Variants in ZSWIM2 observed in about 807,000 individuals in gnomAD.
ZSWIM2 encodes the protein E3 ubiquitin-protein ligase ZSWIM2.
In ZSWIM2, 38 loss-of-function variants were observed where a neutral mutation model predicts 48.4. The ratio of observed to expected loss-of-function variants is 0.79; its 90% CI spans 0.61 to 1.03. The LOEUF is 1.03. Among genes scored for constraint, ZSWIM2 ranks in the 50% least tolerant of loss-of-function variants. The pLI, the probability that ZSWIM2 is intolerant of heterozygous loss-of-function variation, is 0.00. For synonymous variants in ZSWIM2, 240 were observed against 251.3 expected (o/e 0.96, Z 0.42); for missense variants, 776 against 730.2 (o/e 1.06, Z -0.72).
At chr2:186,837,180 G>T in intron 5 of ZSWIM2, 126 bp downstream of exon 5, 1 of 968,570 alleles carries the variant, frequency 1.0e-6, no homozygotes, top group Non-Finnish European at 1.6e-6. Context: ...ATAAGCAGTC[G>T]TCACACAAGT....
In ZSWIM2 at chr2:186,839,109, C is replaced by T. The variant is rs749082265; in HGVS notation, c.344G>A (p.Arg115Gln). The T allele has an allele frequency of 1.2e-5, 19 of 1,611,536 alleles. No individual in the cohort carries two copies. Among genetic ancestry groups the T allele is most frequent in the Middle Eastern group, 1.6e-4 (1 of 6,076 alleles). ...EISDLLRGIH[R>Q]VQTPQPGTND... ...TGTTCCTGGTTGGGGAGTTTGAACT[C>T]GATGTATCCCCCGAAGCAAGTCACT... is the stretch of plus-strand genomic sequence containing the variant. The change falls in exon 4 of 9, where the codon CGA becomes CAA. Residue 115 changes from arginine to glutamine, a missense_variant. Coordinates refer to ENST00000295131, the MANE Select transcript of ZSWIM2 (RefSeq NM_182521.3).
At position 186,849,013 on chromosome 2, in the gene ZSWIM2, T is replaced by C; in HGVS notation, c.118A>G (p.Thr40Ala). Residue 40 changes from threonine to alanine, a missense_variant, in exon 1 of 9, where the codon ACT (threonine) becomes GCT (alanine). Coordinates refer to ENST00000295131, the MANE Select transcript of ZSWIM2 (RefSeq NM_182521.3). ...TCCTCCTCCCTCAGCAGGAAGCCAG[T>C]GGGGCCCATCTCTCGTAGGAGGTAG... ...SIYLLREMGP[T>A]GFLLREEEPE... The C allele has an allele frequency of 6.2e-7, 1 of 1,614,134 alleles. No homozygotes were observed. The highest frequency in any genetic ancestry group is 1.1e-5 in the South Asian group (1 of 91,074).
At chr2:186,832,036 G>A (rs564965250) in intron 7 of ZSWIM2, among the ~76,000 whole-genome samples, 7 of 151,882 alleles carry the variant, frequency 4.6e-5, no homozygotes, top group Non-Finnish European at 1.0e-4. Context: ...ATAAAAAAAA[G>A]TTGTCTCTTT....
chr2:186,834,161 G>A lies in ZSWIM2; in HGVS notation c.744-131C>T, dbSNP rs139051296. On this transcript the variant is annotated intron_variant, in intron 5 of 8. Coordinates refer to ENST00000295131, the MANE Select transcript of ZSWIM2 (RefSeq NM_182521.3). ...GACAAGGTTCACCTCAAGTCACACT[G>A]TGTATTAGTTTCCTGTTGCTGCTGT... is the stretch of plus-strand genomic sequence containing the variant. 271 of 630,878 alleles carry A rather than the reference G, an allele frequency of 4.3e-4. 1 individual carries two copies. In the African/African-American group the frequency reaches 4.6e-3, roughly 11 times the overall value. 39.1% of individuals were successfully genotyped at this position (630,878 alleles called of 1,614,324 possible).
At chr2:186,845,137 G>T (rs1691973426) in intron 2 of ZSWIM2, among the ~76,000 whole-genome samples, 1 of 150,998 alleles carries the variant, frequency 6.6e-6, no homozygotes, top group African/African-American at 2.4e-5. Context: ...CCAAATGGCT[G>T]TTTTCCTACA....
In ZSWIM2 at chr2:186,849,148, G is replaced by A; in HGVS notation, c.-18C>T. 1 of 1,600,046 alleles carries A rather than the reference G, an allele frequency of 6.2e-7. No homozygotes were observed. The highest frequency in any genetic ancestry group is 8.5e-7 in the Non-Finnish European group (1 of 1,171,294). ...CGAAGCATGCTGGGTGCGGGCGGAG[G>A]CGGCCCCTCTGCTCGGCTCACTGAG... On this transcript the variant is annotated 5_prime_UTR_variant, in exon 1 of 9. Transcript: ENST00000295131.
chr2:186,846,847 T>C (rs973183820), intron 2 of ZSWIM2, among the ~76,000 whole-genome samples: 1 of 140,270 alleles, frequency 7.1e-6, no homozygotes, highest in Non-Finnish European at 1.5e-5. Context: ...AACTCAGCCA[T>C]AAAAATTAAT....
intron 2 of ZSWIM2, among the ~76,000 whole-genome samples, chr2:186,846,152 A>G (rs1574143385): frequency 6.6e-6 from 1 of 151,992 alleles, no homozygotes; most frequent in South Asian, 2.1e-4. Flanking sequence ...TAAACTATAA[A>G]GCTTCTGCAC....
At chr2:186,833,906 A>G (rs769324984) in intron 6 of ZSWIM2, 40 bp downstream of exon 6, 1 of 1,505,050 alleles carries the variant, frequency 6.6e-7, no homozygotes, top group Non-Finnish European at 9.2e-7. Flanking sequence ...ACAACAGGAC[A>G]AATAGAAACA....
At chr2:186,841,710 T>C (rs1378218646) in intron 3 of ZSWIM2, among the ~76,000 whole-genome samples, 2 of 151,292 alleles carry the variant, frequency 1.3e-5, no homozygotes, top group East Asian at 3.9e-4. Flanking sequence ...ACAGAGATTA[T>C]ATAGCATGAA....
At position 186,828,641 on chromosome 2, in the gene ZSWIM2, A is replaced by C. The variant is rs775489959; in HGVS notation, c.1245T>G (p.His415Gln). The change falls in exon 9 of 9, where the codon CAT (histidine) becomes CAG (glutamine). Residue 415 changes from histidine to glutamine, a missense_variant. Physicochemically the swap from His to Gln is conservative, Grantham distance 24. Transcript: ENST00000295131. Reference sequence around the variant, plus strand: ...GATCTGGTTCTTTCTGCTTTGATAGATGAATGATGTCTCTGTTTGAAACAG... The same window carrying C: ...GATCTGGTTCTTTCTGCTTTGATAGCTGAATGATGTCTCTGTTTGAAACAG... ...HQSVSNRDII[H>Q]LSKQKEPDLF... The C allele has an allele frequency of 6.2e-7, 1 of 1,612,924 alleles. No individual in the cohort carries two copies. Among genetic ancestry groups the C allele is most frequent in the South Asian group, 1.1e-5 (1 of 91,014 alleles).
At chr2:186,833,631 C>T (rs956072116) in intron 6 of ZSWIM2, among the ~76,000 whole-genome samples, 1 of 151,970 alleles carries the variant, frequency 6.6e-6, no homozygotes, top group Non-Finnish European at 1.5e-5. Flanking sequence ...ACGTTATAAG[C>T]CAATTTGTAA....
intron 7 of ZSWIM2, among the ~76,000 whole-genome samples, chr2:186,831,378 A>G (rs1691696353): frequency 6.8e-6 from 1 of 147,492 alleles, no homozygotes; most frequent in Non-Finnish European, 1.5e-5. Flanking sequence ...CAGGTGTATT[A>G]TAGGCATGTG....
At chr2:186,832,103 C>G (rs1225726357) in intron 7 of ZSWIM2, among the ~76,000 whole-genome samples, 1 of 149,060 alleles carries the variant, frequency 6.7e-6, no homozygotes, top group South Asian at 2.1e-4. Context: ...GCTATATTTT[C>G]TTTTTTTCTT....
intron 7 of ZSWIM2, among the ~76,000 whole-genome samples, chr2:186,832,851 C>T (rs1367164081): frequency 2.0e-5 from 3 of 151,806 alleles, no homozygotes; most frequent in African/African-American, 7.3e-5. Flanking sequence ...ACAATTATTC[C>T]CATTTTAAAG....
intron 7 of ZSWIM2, 82 bp downstream of exon 7, chr2:186,833,038 G>A: frequency 1.7e-6 from 1 of 592,784 alleles, no homozygotes; most frequent in Non-Finnish European, 2.7e-6. Flanking sequence ...ATAAATAAAA[G>A]AATAAATAAA....
chr2:186,842,924 T>C (rs1377018772), intron 3 of ZSWIM2, among the ~76,000 whole-genome samples: 1 of 151,522 alleles, frequency 6.6e-6, no homozygotes, highest in Non-Finnish European at 1.5e-5. Context: ...GATCAAATAT[T>C]TCCATTGAAA....
rs1327577535 is a variant in ZSWIM2 at position 186,838,986 on chromosome 2, T to C, written c.467A>G (p.Glu156Gly). The C allele has an allele frequency of 5.0e-6, 8 of 1,609,482 alleles. No homozygotes were observed. The highest frequency in any genetic ancestry group is 5.1e-6 in the Non-Finnish European group (6 of 1,177,118). Reference sequence around the variant, plus strand: ...GCAAAAGGTGACAGGAAGCTTTTTCTCTAAAAGTAGCTCTTGACAAATAGA... The same window carrying C: ...GCAAAAGGTGACAGGAAGCTTTTTCCCTAAAAGTAGCTCTTGACAAATAGA... ...ICSICQELLL[E>G]KKLPVTFCRF... The change falls in exon 4 of 9, where the codon GAG becomes GGG. Residue 156 changes from glutamate (E) to glycine (G), a missense_variant. Transcript: ENST00000295131.
At chr2:186,832,853 A>AT (rs1691727326) in intron 7 of ZSWIM2, among the ~76,000 whole-genome samples, 1 of 152,098 alleles carries the variant, frequency 6.6e-6, no homozygotes, top group African/African-American at 2.4e-5. Context: ...AATTATTCCC[A>AT]TTTTAAAGAT....
Sources: gnomAD v4.1 joint callset for allele counts (sites outside exome capture counted in the v4.1 genomes callset) on GRCh38, gnomAD v4.1.1 for gene constraint, MANE v1.5 for transcripts, NCBI Gene and HGNC (gene_info 2026-07-23, HGNC 2026-07-21) for gene names.